HDLBP: variants seen among roughly 807,000 people sequenced by gnomAD.
HDLBP encodes vigilin.
HDLBP carries 30 observed loss-of-function variants against 137.3 expected under a neutral mutation model. The ratio of observed to expected loss-of-function variants is 0.22; its 90% CI spans 0.16 to 0.30. The LOEUF (loss-of-function observed/expected upper bound fraction) is 0.30. Among genes scored for constraint, HDLBP ranks in the 10% least tolerant of loss-of-function variants. HDLBP has a pLI of 1.00. For missense variants in HDLBP, 1,119 were observed against 1,667.3 expected (o/e 0.67, Z 5.73); for synonymous variants, 606 against 596.0 (o/e 1.02, Z -0.24).
chr2:241,230,912 T>C lies in HDLBP; in HGVS notation c.3321A>G (p.Glu1107=), dbSNP rs2069664763. ...PQDQITITGY[E]KNTEAARDAI... ...CATCCCTGGCAGCTTCTGTGTTCTT[T>C]TCGTACCCTGTGATGGTAATTTGGT... is the stretch of plus-strand genomic sequence containing the variant. Residue 1107 remains glutamate, a synonymous_variant, in exon 25 of 28, where the codon GAA becomes GAG. Transcript: ENST00000310931. This position sits in a 1 kb window ranked among gnomAD's most constrained non-coding sequence, Gnocchi z 5.0. The C allele has an allele frequency of 2.5e-6, 4 of 1,614,130 alleles. No homozygotes were observed. Among genetic ancestry groups the C allele is most frequent in the Non-Finnish European group, 3.4e-6 (4 of 1,179,966 alleles).
chr2:241,308,902 C>G (rs2075672282), intron 1 of HDLBP, among the ~76,000 whole-genome samples: 1 of 152,204 alleles, frequency 6.6e-6, no homozygotes, highest in Non-Finnish European at 1.5e-5. Flanking sequence ...GATCCGACTG[C>G]TAGGAGCCCC....
rs80263908 is a variant in HDLBP, at chr2:241,261,885, A to C, written c.450+826T>G. ...ATCAAATCCCCATCGTCCAATCACC[A>C]TGCTCCAGGGTGCTCCAGATCCAGC... On this transcript the variant is annotated intron_variant, in intron 5 of 27. Coordinates refer to ENST00000310931, the MANE Select transcript of HDLBP (RefSeq NM_005336.6). Among the ~76,000 whole-genome samples, 1,606 of 152,184 alleles carry C rather than the reference A, an allele frequency of 0.011. 105 individuals are homozygous for C. In the East Asian group the frequency reaches 0.19, roughly 18 times the overall value.
chr2:241,284,482 T>C (rs998839739), intron 1 of HDLBP, among the ~76,000 whole-genome samples: 1 of 152,226 alleles, frequency 6.6e-6, no homozygotes, highest in Non-Finnish European at 1.5e-5. Context: ...GAAAGTGGTT[T>C]CCTAAGATAG....
At chr2:241,281,145 C>T (rs928173358) in intron 1 of HDLBP, among the ~76,000 whole-genome samples, 1 of 152,044 alleles carries the variant, frequency 6.6e-6, no homozygotes, top group Non-Finnish European at 1.5e-5. Context: ...CACTTGAGGT[C>T]GAGAGATCGA....
At chr2:241,267,144 C>T (rs1195890178) in intron 2 of HDLBP, among the ~76,000 whole-genome samples, 1 of 152,022 alleles carries the variant, frequency 6.6e-6, no homozygotes, top group Non-Finnish European at 1.5e-5. Flanking sequence ...TTTGTCTTCC[C>T]TGGGCCACAA....
At chr2:241,297,663 G>C (rs2075230896) in intron 1 of HDLBP, among the ~76,000 whole-genome samples, 1 of 152,096 alleles carries the variant, frequency 6.6e-6, no homozygotes, top group African/African-American at 2.4e-5. Context: ...CCTTCTTGAA[G>C]AAAAGGCAGA....
At chr2:241,258,554 C>G (rs1447260876) in intron 5 of HDLBP, among the ~76,000 whole-genome samples, 1 of 151,790 alleles carries the variant, frequency 6.6e-6, no homozygotes, top group African/African-American at 2.4e-5. Flanking sequence ...GCTGACAACT[C>G]GAAAGCCGTA....
chr2:241,279,927 T>A, intron 1 of HDLBP: 1 of 985,218 alleles, frequency 1.0e-6, no homozygotes, highest in Non-Finnish European at 1.2e-6. Flanking sequence ...CTCCTCTCTT[T>A]GCTTTAACTT....
intron 1 of HDLBP, among the ~76,000 whole-genome samples, chr2:241,291,874 C>T (rs1036435074): frequency 6.6e-6 from 1 of 152,108 alleles, no homozygotes; most frequent in African/African-American, 2.4e-5. Flanking sequence ...AAATGGCTGC[C>T]ACGAGCTGGA....
rs141428712 is a variant in HDLBP, at chr2:241,288,259, T to A, written c.-102-19718A>T. ...CGTCTGAATTAAAATTTTTTTTTGT[T>A]AATTTCCTTTTGAGGAAGTGGTGAT... On this transcript the variant is annotated intron_variant, in intron 1 of 27. Transcript: ENST00000310931. Among the ~76,000 whole-genome samples the A allele has an allele frequency of 1.2e-3, 180 of 152,340 alleles. 1 individual carries two copies. Among genetic ancestry groups the A allele is most frequent in the African/African-American group, 3.9e-3 (163 of 41,578 alleles).
In HDLBP at chr2:241,256,194, T is replaced by C; in HGVS notation, c.863A>G (p.Tyr288Cys). 6.2e-7 allele frequency: 1 copy of C among 1,614,012 alleles called. No individual in the cohort carries two copies. Among genetic ancestry groups the C allele is most frequent in the Non-Finnish European group, 8.5e-7 (1 of 1,179,856 alleles). ...CTCTAAATCGTGTACCTTCTCCTCA[T>C]AAATCTTCTTGATGCGAGCCACAGC... ...AQAVARIKKI[Y>C]EEKKKKTTTI... is the part of the protein sequence containing the mutation. The change falls in exon 7 of 28, where the codon TAT becomes TGT. Residue 288 changes from tyrosine (Y) to cysteine (C), a missense_variant. Physicochemically the swap from Tyr to Cys is radical, Grantham distance 194. Transcript: ENST00000310931.
chr2:241,299,889 T>A (rs988679950), intron 1 of HDLBP, among the ~76,000 whole-genome samples: 4 of 149,852 alleles, frequency 2.7e-5, no homozygotes, highest in African/African-American at 9.9e-5. Context: ...CACTCCAGCC[T>A]GGGGGACAGA....
In HDLBP at chr2:241,228,145, G is replaced by A; in HGVS notation, c.*1456C>T. ...CAAGGCGGAAGCGACTGTCCCCAGGGAAGGGCTGTGAGATGGATGGGCGTG... is the reference window on the plus strand; with the variant it reads ...CAAGGCGGAAGCGACTGTCCCCAGGAAAGGGCTGTGAGATGGATGGGCGTG... On this transcript the variant is annotated 3_prime_UTR_variant, in exon 28 of 28. Coordinates refer to ENST00000310931, the MANE Select transcript of HDLBP (RefSeq NM_005336.6). The A allele has an allele frequency of 6.6e-6, 1 of 152,294 alleles. No homozygotes were observed. The highest frequency in any genetic ancestry group is 1.9e-4 in the East Asian group (1 of 5,206). 9.4% of individuals were successfully genotyped at this position (152,294 alleles called of 1,614,324 possible).
At chr2:241,285,910 G>C (rs62186399) in intron 1 of HDLBP, among the ~76,000 whole-genome samples, 24,217 of 152,142 alleles carry the variant, frequency 0.16, 2,454 homozygotes, top group East Asian at 0.41. Context: ...TGTAATCCTA[G>C]TTACTCAGGA....
At chr2:241,312,835 AAGAT>A (rs1051393644) in intron 1 of HDLBP, among the ~76,000 whole-genome samples, 2 of 152,234 alleles carry the variant, frequency 1.3e-5, no homozygotes, top group Non-Finnish European at 2.9e-5. Flanking sequence ...GAAGGATCGT[AAGAT>A]ATCCCAGTGG....
In HDLBP at chr2:241,235,559, G is replaced by A. The variant is rs748005977; in HGVS notation, c.2940C>T (p.Pro980=). The change falls in exon 22 of 28, where the codon CCC becomes CCT. Residue 980 remains proline, a synonymous_variant. Coordinates refer to ENST00000310931, the MANE Select transcript of HDLBP (RefSeq NM_005336.6). ...CAATAACGTAACGGTGAAGGTCAAAGGGCACCTCTACTTCAATGGTGACAG... is the reference window on the plus strand; with the variant it reads ...CAATAACGTAACGGTGAAGGTCAAAAGGCACCTCTACTTCAATGGTGACAG... ...LVPVTIEVEV[P]FDLHRYVIGQ... is the part of the protein sequence containing the mutation. 27 of 1,614,084 alleles carry A rather than the reference G, an allele frequency of 1.7e-5. No individual in the cohort carries two copies. The highest frequency in any genetic ancestry group is 2.2e-5 in the Non-Finnish European group (26 of 1,179,974).
At chr2:241,256,558 A>G in intron 6 of HDLBP, 42 bp downstream of exon 6, 1 of 1,596,240 alleles carries the variant, frequency 6.3e-7, no homozygotes, top group Non-Finnish European at 8.6e-7. Context: ...AGGTCTGCAC[A>G]AGCAGGTAGG....
intron 16 of HDLBP, among the ~76,000 whole-genome samples, chr2:241,244,508 G>GA (rs1260848194): frequency 6.6e-6 from 1 of 152,148 alleles, no homozygotes; most frequent in Non-Finnish European, 1.5e-5. Context: ...TTTCTCATCA[G>GA]AAACAACAGG....
In HDLBP at chr2:241,272,651, C is replaced by T; in HGVS notation, c.-102-4110G>A. 1.1e-6 allele frequency: 1 copy of T among 947,550 alleles called. No individual in the cohort carries two copies. Among genetic ancestry groups the T allele is most frequent in the East Asian group, 1.2e-4 (1 of 8,462 alleles). 58.7% of individuals were successfully genotyped at this position (947,550 alleles called of 1,614,324 possible). ...GGGGGCCGCGGCACCCGGGCCCCTC[C>T]CCCTCCGCGGCCTCCACGTCAGCAG... On this transcript the variant is annotated intron_variant, in intron 1 of 27. Transcript: ENST00000310931. This position sits in a 1 kb window ranked among gnomAD's most constrained non-coding sequence, Gnocchi z 5.6.
Sources: allele counts gnomAD v4.1 joint callset (sites outside exome capture counted in the v4.1 genomes callset), GRCh38; gene constraint gnomAD v4.1.1; non-coding constraint Gnocchi (gnomAD v3.1); transcripts MANE v1.5; gene names NCBI Gene and HGNC (gene_info 2026-07-23, HGNC 2026-07-21).